Variants in CADM2 observed in about 807,000 individuals in gnomAD.
The protein encoded by CADM2 is cell adhesion molecule 2.
CADM2 carries 12 observed loss-of-function variants against 49.8 expected under a neutral mutation model. That is an observed-to-expected ratio of 0.24 (90% CI 0.15 to 0.39). The LOEUF is 0.39. Among genes scored for constraint, CADM2 ranks in the 10% least tolerant of loss-of-function variants. The pLI is 1.00. For missense variants in CADM2, 378 were observed against 492.3 expected, an observed-to-expected ratio of 0.77 and a Z score of 2.20; for synonymous variants, 214 against 175.4, an observed-to-expected ratio of 1.22 and a Z score of -1.74.
intron 1 of CADM2, among the ~76,000 whole-genome samples, chr3:85,512,596 A>G (rs2040669510): frequency 6.6e-6 from 1 of 152,120 alleles, no homozygotes; most frequent in Non-Finnish European, 1.5e-5. Flanking sequence ...AATGCAAATT[A>G]GAATAAATTT....
chr3:85,451,823 C>A (rs2037760105), intron 1 of CADM2, among the ~76,000 whole-genome samples: 1 of 152,068 alleles, frequency 6.6e-6, no homozygotes, highest in East Asian at 1.9e-4. Flanking sequence ...CAGTGGTCAG[C>A]AATTTTAGCT....
At chr3:85,563,521 AT>A (rs1485439088) in intron 1 of CADM2, among the ~76,000 whole-genome samples, 1 of 151,854 alleles carries the variant, frequency 6.6e-6, no homozygotes, top group Non-Finnish European at 1.5e-5. Context: ...ACTATTTCTG[AT>A]TTTTGTGTGT....
At chr3:85,117,351 G>A (rs1402942206) in intron 1 of CADM2, among the ~76,000 whole-genome samples, 1 of 151,724 alleles carries the variant, frequency 6.6e-6, no homozygotes, top group African/African-American at 2.4e-5. Context: ...ATAACCCTAA[G>A]GAATATTATC....
chr3:85,481,229 G>GATATATATATATATATATAT (rs3086137), intron 1 of CADM2, among the ~76,000 whole-genome samples: 34 of 144,954 alleles, frequency 2.3e-4, no homozygotes, highest in Admixed American at 8.4e-4. Flanking sequence ...ATATATATTG[G>GATATATATATATATATATAT]ATATATATAT....
At chr3:85,160,613 A>T (rs2107666662) in intron 1 of CADM2, among the ~76,000 whole-genome samples, 1 of 152,274 alleles carries the variant, frequency 6.6e-6, no homozygotes, top group Admixed American at 6.5e-5. Flanking sequence ...ATAAATAATT[A>T]GGCTATTTTC....
intron 1 of CADM2, among the ~76,000 whole-genome samples, chr3:85,682,021 T>G (rs1234277728): frequency 1.3e-5 from 2 of 152,162 alleles, no homozygotes; most frequent in Non-Finnish European, 2.9e-5. Flanking sequence ...AAAGAAAGAA[T>G]GCACTTTGGT....
intron 1 of CADM2, among the ~76,000 whole-genome samples, chr3:85,641,860 G>A (rs1257336735): frequency 6.6e-6 from 1 of 152,064 alleles, no homozygotes; most frequent in African/African-American, 2.4e-5. Context: ...GAACCCAGGA[G>A]GCAGAGCTTG....
chr3:85,454,657 A>G (rs1453539547), intron 1 of CADM2, among the ~76,000 whole-genome samples: 5 of 152,162 alleles, frequency 3.3e-5, no homozygotes, highest in Non-Finnish European at 7.4e-5. Flanking sequence ...TTGCCCACAA[A>G]CTGAATGCAT....
intron 1 of CADM2, among the ~76,000 whole-genome samples, chr3:85,079,889 G>A (rs2037098384): frequency 1.3e-5 from 2 of 151,782 alleles, no homozygotes; most frequent in South Asian, 4.1e-4. Flanking sequence ...AAATAGAAGT[G>A]TTTTGGACTG....
intron 1 of CADM2, among the ~76,000 whole-genome samples, chr3:85,702,655 G>A (rs1448844068): frequency 6.6e-6 from 1 of 152,056 alleles, no homozygotes; most frequent in Non-Finnish European, 1.5e-5. Context: ...TGTTCATGTA[G>A]GTAAGGTATG....
At chr3:85,138,235 A>T (rs1299668774) in intron 1 of CADM2, among the ~76,000 whole-genome samples, 1 of 152,014 alleles carries the variant, frequency 6.6e-6, no homozygotes, top group Non-Finnish European at 1.5e-5. Flanking sequence ...GTGTCATGGG[A>T]TACCTTTTTA....
At chr3:85,308,039 T>TACTGTC (rs2044255680) in intron 1 of CADM2, among the ~76,000 whole-genome samples, 1 of 151,756 alleles carries the variant, frequency 6.6e-6, no homozygotes, top group Non-Finnish European at 1.5e-5. Flanking sequence ...ATAAATTTCT[T>TACTGTC]ACTGTCATAT....
chr3:85,627,948 C>T (rs973746018), intron 1 of CADM2, among the ~76,000 whole-genome samples: 3 of 152,054 alleles, frequency 2.0e-5, no homozygotes, highest in Non-Finnish European at 4.4e-5. Context: ...CGGATTTCCA[C>T]ATCCTGATGA....
intron 1 of CADM2, among the ~76,000 whole-genome samples, chr3:85,357,815 A>G (rs1462159436): frequency 6.6e-6 from 1 of 152,118 alleles, no homozygotes; most frequent in Non-Finnish European, 1.5e-5. Context: ...TAAAGTTATT[A>G]ACTACAATGA....
At chr3:85,898,035 G>GA (rs143054808) in intron 5 of CADM2, among the ~76,000 whole-genome samples, 24 of 151,474 alleles carry the variant, frequency 1.6e-4, no homozygotes, top group Admixed American at 1.3e-3. Flanking sequence ...TATTAAGTGA[G>GA]AAAAAAAAAT....
At chr3:86,058,978 C>T (rs1738308451) in intron 8 of CADM2, among the ~76,000 whole-genome samples, 2 of 151,452 alleles carry the variant, frequency 1.3e-5, no homozygotes, top group Admixed American at 1.3e-4. Context: ...CCTATAATCT[C>T]AGCTACTTGG....
intron 1 of CADM2, among the ~76,000 whole-genome samples, chr3:85,607,040 A>G (rs1295396513): frequency 6.6e-6 from 1 of 152,118 alleles, no homozygotes; most frequent in Non-Finnish European, 1.5e-5. Context: ...AAACCTAAAA[A>G]CTGGATGCCA....
chr3:86,038,201 C>A (rs1006294919), intron 8 of CADM2, among the ~76,000 whole-genome samples: 12 of 152,130 alleles, frequency 7.9e-5, no homozygotes, highest in African/African-American at 2.9e-4. Flanking sequence ...AAAACAAAAA[C>A]TACATTGTTT....
intron 1 of CADM2, among the ~76,000 whole-genome samples, chr3:85,144,245 GCACACACACACA>G (rs3083491): frequency 2.0e-5 from 3 of 148,938 alleles, no homozygotes; most frequent in Non-Finnish European, 4.4e-5. Context: ...TGTTACACAC[GCACACACACACA>G]CACACACACA....
Sources: allele counts gnomAD v4.1 joint callset (sites outside exome capture counted in the v4.1 genomes callset), GRCh38; gene constraint gnomAD v4.1.1; transcripts MANE v1.5; gene names NCBI Gene and HGNC (gene_info 2026-07-23, HGNC 2026-07-21).